ZNF257: variants seen among roughly 807,000 people sequenced by gnomAD.
ZNF257 encodes zinc finger protein 257.
Under a neutral mutation model 11.9 loss-of-function variants are expected in ZNF257, and 12 were observed. That is an observed-to-expected ratio of 1.01 (90% confidence interval 0.65 to 1.63). The LOEUF is 1.63. ZNF257 is among the 40% of genes most tolerant of loss of function. The pLI, the probability that ZNF257 is intolerant of heterozygous loss-of-function variation, is 0.00. For missense variants in ZNF257, 580 were observed against 665.5 expected (o/e 0.87, Z 1.41); for synonymous variants, 183 against 222.7 (o/e 0.82, Z 1.59).
At chr19:22,079,853 G>A (rs1390134404) in intron 3 of ZNF257, among the ~76,000 whole-genome samples, 57 of 151,972 alleles carry the variant, frequency 3.8e-4, no homozygotes, top group Non-Finnish European at 1.0e-4. Context: ...CCCTGAGCAA[G>A]AATATGTTGA....
chr19:22,064,071 C>T (rs1000436589), intron 1 of ZNF257: 1 of 151,556 alleles, frequency 6.6e-6, no homozygotes, highest in Admixed American at 6.6e-5. Context: ...TGCTTTTTTC[C>T]CCATAAGCAT....
In ZNF257 at chr19:22,091,118, G is replaced by T. The variant is rs2098931896; in HGVS notation, c.*1676G>T. On this transcript the variant is annotated 3_prime_UTR_variant, in exon 4 of 4. Coordinates refer to ENST00000594947, the MANE Select transcript of ZNF257 (RefSeq NM_033468.4). ...ACATTTTAAAATTTTTAGATTATTT[G>T]TGGACTTAATTTATAATTAAATATT... The T allele has an allele frequency of 6.6e-6, 1 of 152,034 alleles. No homozygotes were observed. Among genetic ancestry groups the T allele is most frequent in the South Asian group, 2.1e-4 (1 of 4,832 alleles). The allele number at this position is 152,034 out of a possible 1,614,324, so 9.4% of individuals were successfully genotyped here.
At chr19:22,054,875 A>T (rs1228941048) in intron 1 of ZNF257, among the ~76,000 whole-genome samples, 2 of 145,212 alleles carry the variant, frequency 1.4e-5, no homozygotes, top group African/African-American at 5.1e-5. Context: ...CACCATGGCT[A>T]TATCTGCTAG....
rs1324903629 is a variant in ZNF257, at chr19:22,089,283, A to G, written c.1533A>G (p.Gly511=). 2.5e-6 allele frequency: 4 copies of G among 1,613,722 alleles called. No individual in the cohort carries two copies. The highest frequency in any genetic ancestry group is 2.5e-6 in the Non-Finnish European group (3 of 1,179,906). The change falls in exon 4 of 4, where the codon GGA becomes GGG. Residue 511 remains glycine, a synonymous_variant. Coordinates refer to ENST00000594947, the MANE Select transcript of ZNF257 (RefSeq NM_033468.4). ...CTCAACATAAGATAATTCATACTGGAGAGAAACCCTACAAATGTGAAGAAT... is the reference window on the plus strand; with the variant it reads ...CTCAACATAAGATAATTCATACTGGGGAGAAACCCTACAAATGTGAAGAAT... ...HLSQHKIIHT[G]EKPYKCEECG... is the part of the protein sequence containing the mutation.
At chr19:22,080,168 C>G (rs974597375) in intron 3 of ZNF257, among the ~76,000 whole-genome samples, 1 of 152,040 alleles carries the variant, frequency 6.6e-6, no homozygotes, top group African/African-American at 2.4e-5. Flanking sequence ...TTTGTAGGAA[C>G]AGGGTCTCAC....
At chr19:22,058,320 G>T (rs1164277318) in intron 1 of ZNF257, among the ~76,000 whole-genome samples, 2 of 151,214 alleles carry the variant, frequency 1.3e-5, no homozygotes, top group Non-Finnish European at 1.5e-5. Flanking sequence ...TTTCTGGGTT[G>T]TATCTTTTAT....
At chr19:22,077,180 A>C (rs1157947642) in intron 3 of ZNF257, among the ~76,000 whole-genome samples, 1 of 152,038 alleles carries the variant, frequency 6.6e-6, no homozygotes, top group African/African-American at 2.4e-5. Context: ...ATAGCCAGGC[A>C]TGGGGGTATG....
intron 1 of ZNF257, among the ~76,000 whole-genome samples, chr19:22,062,222 G>GTTTTT (rs2021818361): frequency 9.2e-6 from 1 of 108,880 alleles, no homozygotes; most frequent in Admixed American, 1.1e-4. Context: ...CACTGCGCCT[G>GTTTTT]CTTTTTTTTT....
At position 22,088,484 on chromosome 19, in the gene ZNF257, C is replaced by G. The variant is rs376950393; in HGVS notation, c.734C>G (p.Thr245Ser). 1.2e-6 allele frequency: 2 copies of G among 1,612,000 alleles called. No individual in the cohort carries two copies. The highest frequency in any genetic ancestry group is 1.7e-6 in the Non-Finnish European group (2 of 1,179,152). The change falls in exon 4 of 4, where the codon ACT becomes AGT. Residue 245 changes from threonine to serine, a missense_variant. Thr to Ser is a moderately conservative substitution (Grantham distance 58). Coordinates refer to ENST00000594947, the MANE Select transcript of ZNF257 (RefSeq NM_033468.4). ...GCTTTTAACCGGTCTTCACACCTTA[C>G]TCAACATAAGGTAATTCATACTAGA... ...GKAFNRSSHL[T>S]QHKVIHTREK...
intron 3 of ZNF257, among the ~76,000 whole-genome samples, chr19:22,086,368 A>G (rs964373811): frequency 2.6e-5 from 4 of 152,106 alleles, no homozygotes; most frequent in African/African-American, 9.7e-5. Context: ...TGCTGATTAT[A>G]TGTTGTATAT....
intron 3 of ZNF257, among the ~76,000 whole-genome samples, chr19:22,084,787 A>G (rs2022437135): frequency 6.7e-6 from 1 of 148,168 alleles, no homozygotes; most frequent in African/African-American, 2.5e-5. Flanking sequence ...GCTAGGGTGC[A>G]GTGGAGTGAT....
At position 22,072,889 on chromosome 19, in the gene ZNF257, A is replaced by G. The variant is rs1249537631; in HGVS notation, c.84A>G (p.Leu28=). The G allele has an allele frequency of 1.2e-6, 2 of 1,613,312 alleles. No individual in the cohort carries two copies. Among genetic ancestry groups the G allele is most frequent in the East Asian group, 2.2e-5 (1 of 44,852 alleles). The change falls in exon 2 of 4, where the codon TTA becomes TTG. Residue 28 remains leucine, a synonymous_variant. Transcript: ENST00000594947. ...GCCTGGACACTGCACAGCAGAATTT[A>G]TATAGGGATGTGATGTTAGAGAACT... ...WHCLDTAQQN[L]YRDVMLENYR...
At chr19:22,078,167 A>T (rs73019862) in intron 3 of ZNF257, among the ~76,000 whole-genome samples, 22,133 of 149,826 alleles carry the variant, frequency 0.15, 1,820 homozygotes, top group Admixed American at 0.21. Flanking sequence ...GTACCCGGGA[A>T]ATGAAGGTTG....
intron 3 of ZNF257, among the ~76,000 whole-genome samples, chr19:22,082,312 G>A (rs746426916): frequency 3.9e-5 from 6 of 152,114 alleles, no homozygotes; most frequent in Non-Finnish European, 5.9e-5. Context: ...GATGCTGTGC[G>A]AATTTTATTT....
At position 22,076,834 on chromosome 19, in the gene ZNF257, G is replaced by A. The variant is rs572888998; in HGVS notation, c.226+3270G>A. ...CTCCCGAGTAGCTGGGACTACAGGC[G>A]CCCGCCACCATGCCCGGCTAATTTT... is the stretch of plus-strand genomic sequence containing the variant. On this transcript the variant is annotated intron_variant, in intron 3 of 3. Coordinates refer to ENST00000594947, the MANE Select transcript of ZNF257 (RefSeq NM_033468.4). 7.6e-4 allele frequency among the ~76,000 whole-genome samples: 116 copies of A among 152,076 alleles called. 1 individual carries two copies. The highest frequency in any genetic ancestry group is 2.5e-3 in the African/African-American group (105 of 41,470).
rs748864831 is a variant in ZNF257 at position 22,088,020 on chromosome 19, C to T, written c.270C>T (p.Asp90=). 1.9e-6 allele frequency: 3 copies of T among 1,559,062 alleles called. No homozygotes were observed. In the Admixed American group the frequency reaches 5.7e-5, roughly 30 times the overall value. Residue 90 remains aspartate, a synonymous_variant, in exon 4 of 4, where the codon GAC becomes GAT. Transcript: ENST00000594947. ...HIAEDLCPER[D]IKYFFQKVIL... is the part of the protein sequence containing the mutation. Reference sequence around the variant, plus strand: ...CTGAAGACCTTTGCCCAGAGCGAGACATAAAATATTTTTTCCAAAAAGTCA... The same window carrying T: ...CTGAAGACCTTTGCCCAGAGCGAGATATAAAATATTTTTTCCAAAAAGTCA...
At position 22,089,141 on chromosome 19, in the gene ZNF257, G is replaced by A. The variant is rs758141856; in HGVS notation, c.1391G>A (p.Cys464Tyr). The change falls in exon 4 of 4, where the codon TGT becomes TAT. Residue 464 changes from cysteine to tyrosine, a missense_variant. Coordinates refer to ENST00000594947, the MANE Select transcript of ZNF257 (RefSeq NM_033468.4). ...TGEKPYKCEE[C>Y]GKAFNQSSHL... ...GAGAAACCCTACAAATGTGAAGAGT[G>A]TGGCAAAGCCTTTAACCAGTCTTCA... The A allele has an allele frequency of 5.6e-6, 9 of 1,613,830 alleles. No individual in the cohort carries two copies. In the African/African-American group the frequency reaches 6.7e-5, roughly 12 times the overall value.
chr19:22,078,032 G>A (rs566554994), intron 3 of ZNF257, among the ~76,000 whole-genome samples: 1 of 151,646 alleles, frequency 6.6e-6, no homozygotes, highest in South Asian at 2.1e-4. Flanking sequence ...AAGGGCAGGA[G>A]TTTGAGACCG....
At chr19:22,079,515 G>A (rs1404829289) in intron 3 of ZNF257, among the ~76,000 whole-genome samples, 1 of 152,124 alleles carries the variant, frequency 6.6e-6, no homozygotes, top group Non-Finnish European at 1.5e-5. Context: ...CAAAGGAGGA[G>A]CAAGTCATGT....
Sources: gnomAD v4.1 joint callset for allele counts (sites outside exome capture counted in the v4.1 genomes callset) on GRCh38, gnomAD v4.1.1 for gene constraint, MANE v1.5 for transcripts, NCBI Gene and HGNC (gene_info 2026-07-23, HGNC 2026-07-21) for gene names.